INMT: variants seen among roughly 807,000 people sequenced by gnomAD.
INMT encodes the protein amine N-methyltransferase.
INMT carries 11 observed loss-of-function variants against 11.5 expected under a neutral mutation model. The observed-to-expected ratio is 0.95, with a 90% confidence interval of 0.60 to 1.58. The LOEUF (loss-of-function observed/expected upper bound fraction) is 1.58. Ranked by LOEUF, INMT falls within the 40% of genes most tolerant of loss-of-function variation. The pLI is 0.00. For missense variants in INMT, 316 were observed against 336.1 expected, an observed-to-expected ratio of 0.94 and a Z score of 0.47; for synonymous variants, 155 against 142.9, an observed-to-expected ratio of 1.08 and a Z score of -0.60.
chr7:30,753,316 G>A (rs1786135240), intron 1 of INMT, among the ~76,000 whole-genome samples: 1 of 152,184 alleles, frequency 6.6e-6, no homozygotes, highest in East Asian at 1.9e-4. Flanking sequence ...CAGTCAGCCT[G>A]AAACTTAAAG....
In INMT at chr7:30,757,354, T is replaced by C. The variant is rs1061678; in HGVS notation, c.*1503T>C. ...ACATGGTGGGCACACTGGCGCCCAG[T>C]AAGAGAGAGAGAGAGCCAAAGCTGT... On this transcript the variant is annotated 3_prime_UTR_variant, in exon 3 of 3. Coordinates refer to ENST00000013222, the MANE Select transcript of INMT (RefSeq NM_006774.5). 0.035 allele frequency: 8,114 copies of C among 232,892 alleles called. 371 individuals are homozygous for C. The highest frequency in any genetic ancestry group is 0.16 in the East Asian group (1,020 of 6,372). 14.4% of individuals were successfully genotyped at this position (232,892 alleles called of 1,614,324 possible).
At position 30,756,408 on chromosome 7, in the gene INMT, T is replaced by TTTTTTTTTATTTATTTA. The variant is rs1272395655; in HGVS notation, c.*565_*566insATTTATTTATTTTTTTT. 7.2e-4 allele frequency: 101 copies of TTTTTTTTTATTTATTTA among 139,824 alleles called. No individual in the cohort carries two copies. The highest frequency in any genetic ancestry group is 2.9e-3 in the African/African-American group (99 of 33,900). 8.7% of individuals were successfully genotyped at this position (139,824 alleles called of 1,614,324 possible). On this transcript the variant is annotated 3_prime_UTR_variant, in exon 3 of 3. Transcript: ENST00000013222. Reference sequence around the variant, plus strand: ...TCGCCACCACACCCAGCTAATTTTTTTTTTTTTTTTTTTATTTGAGACGGA... The same window carrying TTTTTTTTTATTTATTTA: ...TCGCCACCACACCCAGCTAATTTTTTTTTTTTTTATTTATTTATTTTTTTTTTTTTATTTGAGACGGA...
chr7:30,752,189 G>C lies in INMT; in HGVS notation c.39G>C (p.Lys13Asn). The C allele has an allele frequency of 6.2e-7, 1 of 1,614,060 alleles. No homozygotes were observed. The highest frequency in any genetic ancestry group is 1.7e-5 in the Admixed American group (1 of 60,010). Residue 13 changes from lysine (K) to asparagine (N), a missense_variant, in exon 1 of 3, where the codon AAG becomes AAC. Transcript: ENST00000013222. ...GGFTGGDEYQKHFLPRDYLAT... is the reference protein window; with the variant it reads ...GGFTGGDEYQNHFLPRDYLAT... ...TCACTGGGGGTGATGAGTACCAGAAGCACTTCCTGCCCAGGGACTACTTGG... is the reference window on the plus strand; with the variant it reads ...TCACTGGGGGTGATGAGTACCAGAACCACTTCCTGCCCAGGGACTACTTGG...
rs766178066 is a variant in INMT at position 30,755,610 on chromosome 7, C to A, written c.551C>A (p.Ala184Asp). 32 of 1,614,112 alleles carry A rather than the reference C, an allele frequency of 2.0e-5. No homozygotes were observed. In the Admixed American group the frequency reaches 2.8e-4, roughly 14 times the overall value. ...DAYRAALCNL[A>D]SLLKPGGHLV... The stretch of plus-strand genomic sequence containing the variant: ...TACCGCGCTGCCCTGTGCAACCTTG[C>A]CTCACTGCTCAAGCCGGGTGGCCAC... Residue 184 changes from alanine to aspartate, a missense_variant, in exon 3 of 3, where the codon GCC (alanine) becomes GAC (aspartate). Transcript: ENST00000013222.
Position 30,755,774 on chromosome 7 carries a change from C to T in INMT, c.715C>T (p.Pro239Ser), listed in dbSNP as rs765339607. The change falls in exon 3 of 3, where the codon CCC becomes TCC. Residue 239 changes from proline to serine, a missense_variant. Coordinates refer to ENST00000013222, the MANE Select transcript of INMT (RefSeq NM_006774.5). ...GFDIEQLLHS[P>S]QSYSVTNAAN... is the part of the protein sequence containing the mutation. ...TGACATTGAACAGCTCCTACACAGT[C>T]CCCAGAGCTACTCTGTCACCAATGC... 6.2e-7 allele frequency: 1 copy of T among 1,614,170 alleles called. No individual in the cohort carries two copies. Among genetic ancestry groups the T allele is most frequent in the Non-Finnish European group, 8.5e-7 (1 of 1,180,010 alleles).
In INMT at chr7:30,757,133, C is replaced by G. The variant is rs1786284213; in HGVS notation, c.*1282C>G. ...GTAAGGTACATGGATGTGCTTTGGT[C>G]AAGGAATAGGCCAAGGCAGAGATCC... On this transcript the variant is annotated 3_prime_UTR_variant, in exon 3 of 3. Transcript: ENST00000013222. 1 of 154,012 alleles carries G rather than the reference C, an allele frequency of 6.5e-6. No individual in the cohort carries two copies. The highest frequency in any genetic ancestry group is 6.5e-5 in the Admixed American group (1 of 15,300). The allele number at this position is 154,012 out of a possible 1,614,324, so 9.5% of individuals were successfully genotyped here.
chr7:30,754,054 C>A lies in INMT; in HGVS notation c.362+116C>A. On this transcript the variant is annotated intron_variant, in intron 2 of 2. Coordinates refer to ENST00000013222, the MANE Select transcript of INMT (RefSeq NM_006774.5). This position sits in a 1 kb window ranked among gnomAD's most constrained non-coding sequence, Gnocchi z 4.9. The stretch of plus-strand genomic sequence containing the variant: ...GACAGTAGGACCTTCAGGTATAGGA[C>A]CAGATGTCCTGTGGTGGGGATAGAG... The A allele has an allele frequency of 9.9e-7, 1 of 1,012,698 alleles. No homozygotes were observed. Among genetic ancestry groups the A allele is most frequent in the Non-Finnish European group, 1.5e-6 (1 of 683,146 alleles). 62.7% of individuals were successfully genotyped at this position (1,012,698 alleles called of 1,614,324 possible).
At position 30,755,469 on chromosome 7, in the gene INMT, G is replaced by A. The variant is rs767396434; in HGVS notation, c.410G>A (p.Arg137Gln). ...KEEKLRAAVK[R>Q]VLKCDVHLGN... is the part of the protein sequence containing the mutation. ...GAGAAGCTGCGGGCAGCGGTGAAGC[G>A]GGTGCTCAAGTGCGATGTCCACCTG... is the stretch of plus-strand genomic sequence containing the variant. The change falls in exon 3 of 3, where the codon CGG (arginine) becomes CAG (glutamine). Residue 137 changes from arginine (R) to glutamine (Q), a missense_variant. Coordinates refer to ENST00000013222, the MANE Select transcript of INMT (RefSeq NM_006774.5). 8.1e-6 allele frequency: 13 copies of A among 1,600,938 alleles called. No individual in the cohort carries two copies. The highest frequency in any genetic ancestry group is 2.2e-5 in the South Asian group (2 of 91,048).
At position 30,756,282 on chromosome 7, in the gene INMT, C is replaced by A. The variant is rs182944908; in HGVS notation, c.*431C>A. The A allele has an allele frequency of 4.9e-5, 46 of 948,180 alleles. No homozygotes were observed. Among genetic ancestry groups the A allele is most frequent in the Non-Finnish European group, 5.7e-5 (45 of 794,368 alleles). The allele number at this position is 948,180 out of a possible 1,614,324, so 58.7% of individuals were successfully genotyped here. A position where few individuals can be genotyped will look rare whatever the true frequency, so the allele number is the denominator to read the frequency against. On this transcript the variant is annotated 3_prime_UTR_variant, in exon 3 of 3. Coordinates refer to ENST00000013222, the MANE Select transcript of INMT (RefSeq NM_006774.5). ...ACGGAGTCTGGCTCTGTCACCCAGG[C>A]TAGAGTGCAATGGCACGATCTCGGC...
At chr7:30,752,356 G>A (rs757265051) in intron 1 of INMT, 52 bp downstream of exon 1, 7 of 1,492,200 alleles carry the variant, frequency 4.7e-6, no homozygotes, top group South Asian at 2.3e-5. Flanking sequence ...GAACCTGGAT[G>A]GGGATGGGGA....
Position 30,753,597 on chromosome 7 carries a change from G to C in INMT, c.155-134G>C, listed in dbSNP as rs942479912. 2.8e-5 allele frequency: 21 copies of C among 763,632 alleles called. No individual in the cohort carries two copies. In the African/African-American group the frequency reaches 3.6e-4, roughly 13 times the overall value. 47.3% of individuals were successfully genotyped at this position (763,632 alleles called of 1,614,324 possible). A position where few individuals can be genotyped will look rare whatever the true frequency, so the allele number is the denominator to read the frequency against. On this transcript the variant is annotated intron_variant, in intron 1 of 2. Coordinates refer to ENST00000013222, the MANE Select transcript of INMT (RefSeq NM_006774.5). The stretch of plus-strand genomic sequence containing the variant: ...TATTTGGCATGAGGCTTGGCTTACA[G>C]GGAGCTGCCAATCCGTGATAACCAC...
chr7:30,755,400 G>A (rs769461820), intron 2 of INMT, 22 bp from the exon 3 acceptor site: 7 of 1,551,888 alleles, frequency 4.5e-6, no homozygotes, highest in South Asian at 2.4e-5. Context: ...GGGCCTCCCC[G>A]ACTCCCTCTC....
At chr7:30,752,964 G>A (rs986220220) in intron 1 of INMT, among the ~76,000 whole-genome samples, 15 of 152,206 alleles carry the variant, frequency 9.9e-5, no homozygotes, top group African/African-American at 3.6e-4. Context: ...GAACAGTAAG[G>A]GTGAGTCTCC....
chr7:30,752,343 A>G, intron 1 of INMT, 39 bp downstream of exon 1: 1 of 1,562,266 alleles, frequency 6.4e-7, no homozygotes, highest in Admixed American at 1.7e-5. Flanking sequence ...GCCTCTCTCC[A>G]AGGAACCTGG....
chr7:30,753,850 G>A lies in INMT; in HGVS notation c.274G>A (p.Glu92Lys), dbSNP rs193108315. ...TLSDFTDRNR[E>K]ELEKWLKKEP... ...CTCCGACTTTACCGACCGCAACCGG[G>A]AGGAGCTGGAAAAGTGGCTGAAGAA... Residue 92 changes from glutamate (E) to lysine (K), a missense_variant, in exon 2 of 3, where the codon GAG becomes AAG. Physicochemically the swap from Glu to Lys is moderately conservative, Grantham distance 56 (BLOSUM62 1). Transcript: ENST00000013222. 3.7e-6 allele frequency: 6 copies of A among 1,614,222 alleles called. No homozygotes were observed. The highest frequency in any genetic ancestry group is 5.1e-6 in the Non-Finnish European group (6 of 1,180,040).
In INMT at chr7:30,755,787, CTG is replaced by C; in HGVS notation, c.730_731del (p.Val244HisfsTer53). 3 of 1,614,162 alleles carry C rather than the reference CTG, an allele frequency of 1.9e-6. No individual in the cohort carries two copies. Among genetic ancestry groups the C allele is most frequent in the Non-Finnish European group, 2.5e-6 (3 of 1,179,998 alleles). ...CTCCTACACAGTCCCCAGAGCTACT[CTG>C]TCACCAATGCTGCCAACAATGGGGT... On this transcript the variant is annotated frameshift_variant, in exon 3 of 3. Transcript: ENST00000013222. LOFTEE classifies it low-confidence loss of function (END_TRUNC).
intron 1 of INMT, 108 bp downstream of exon 1, chr7:30,752,412 G>A: frequency 6.7e-6 from 6 of 900,406 alleles, no homozygotes; most frequent in Non-Finnish European, 8.6e-6. Context: ...GGTTTTTGGG[G>A]ATGGGCTGGG....
rs941211171 is a variant in INMT at position 30,754,641 on chromosome 7, A to G, written c.362+703A>G. ...CCCATCCATCCATATCCATCTATCC[A>G]TCCATCCATCCATCCATCCATCCAT... On this transcript the variant is annotated intron_variant, in intron 2 of 2. Coordinates refer to ENST00000013222, the MANE Select transcript of INMT (RefSeq NM_006774.5). The surrounding 1 kb of genome is among the most constrained non-coding windows in gnomAD (Gnocchi z 4.9). 1.5e-4 allele frequency among the ~76,000 whole-genome samples: 7 copies of G among 47,436 alleles called. No homozygotes were observed. The Admixed American group carries it at 1.9e-3, about 13-fold the overall frequency. 31.1% of individuals were successfully genotyped at this position (47,436 alleles called of 152,430 possible).
rs1308125056 is a variant in INMT at position 30,754,021 on chromosome 7, A to G, written c.362+83A>G. 80 of 1,411,964 alleles carry G rather than the reference A, an allele frequency of 5.7e-5. No homozygotes were observed. The highest frequency in any genetic ancestry group is 7.3e-5 in the Non-Finnish European group (74 of 1,016,858). The allele number at this position is 1,411,964 out of a possible 1,614,324, so 87.5% of individuals were successfully genotyped here. On this transcript the variant is annotated intron_variant, in intron 2 of 2. Coordinates refer to ENST00000013222, the MANE Select transcript of INMT (RefSeq NM_006774.5). The surrounding 1 kb of genome is among the most constrained non-coding windows in gnomAD (Gnocchi z 4.9). Reference sequence around the variant, plus strand: ...CCCTGGCCTCTTTGTTGTCTCTGACATTTTCAGGACAGTAGGACCTTCAGG... The same window carrying G: ...CCCTGGCCTCTTTGTTGTCTCTGACGTTTTCAGGACAGTAGGACCTTCAGG...
Sources: gnomAD v4.1 joint callset for allele counts (sites outside exome capture counted in the v4.1 genomes callset) on GRCh38, gnomAD v4.1.1 for gene constraint, Gnocchi (gnomAD v3.1) non-coding constraint, MANE v1.5 for transcripts, NCBI Gene and HGNC (gene_info 2026-07-23, HGNC 2026-07-21) for gene names.